Variants in GABRB3 observed in about 807,000 individuals in gnomAD.
GABRB3 encodes gamma-aminobutyric acid receptor subunit beta-3.
A neutral mutation model predicts 52.1 loss-of-function variants in GABRB3; 14 were observed. The observed-to-expected ratio is 0.27, with a 90% confidence interval of 0.18 to 0.42. The LOEUF (loss-of-function observed/expected upper bound fraction) is 0.42, where lower values mean the gene tolerates loss of function less well. Among genes scored for constraint, GABRB3 ranks in the 10% least tolerant of loss-of-function variants. The probability of loss-of-function intolerance (pLI) is 1.00; values close to 1 mark genes in which losing one functional copy is unlikely to be tolerated. For synonymous variants in GABRB3, 260 were observed against 232.3 expected (o/e 1.12, Z -1.08); for missense variants, 307 against 609.1 (o/e 0.50, Z 5.22).
chr15:26,700,365 T>C (rs1335501093), intron 3 of GABRB3, among the ~76,000 whole-genome samples: 1 of 152,122 alleles, frequency 6.6e-6, no homozygotes, highest in Non-Finnish European at 1.5e-5. Context: ...CCCACAAACA[T>C]GATTTCAAGG....
At chr15:26,633,659 G>A (rs370415407) in intron 3 of GABRB3, among the ~76,000 whole-genome samples, 2 of 152,264 alleles carry the variant, frequency 1.3e-5, no homozygotes, top group African/African-American at 2.4e-5. Context: ...AGCAATATCC[G>A]CAGTTCCCAG....
At chr15:26,715,771 T>C (rs1292156967) in intron 3 of GABRB3, among the ~76,000 whole-genome samples, 1 of 152,326 alleles carries the variant, frequency 6.6e-6, no homozygotes, top group Middle Eastern at 3.4e-3. Context: ...GAATCATCTG[T>C]TGTCTTGTGT....
At chr15:26,628,916 T>C in intron 3 of GABRB3, 1 of 1,467,364 alleles carries the variant, frequency 6.8e-7, no homozygotes. Flanking sequence ...TGTGGGGGAG[T>C]CAGGTGCAAG....
At chr15:26,745,102 T>C (rs1309042407) in intron 3 of GABRB3, among the ~76,000 whole-genome samples, 2 of 151,930 alleles carry the variant, frequency 1.3e-5, no homozygotes, top group Non-Finnish European at 1.5e-5. Context: ...ACGCTTCATG[T>C]AAACAACCAG....
At chr15:26,578,421 G>GT (rs1441601349) in intron 6 of GABRB3, among the ~76,000 whole-genome samples, 1 of 152,200 alleles carries the variant, frequency 6.6e-6, no homozygotes, top group Admixed American at 6.5e-5. Flanking sequence ...TCTGTGAATA[G>GT]TTTAAGTGTT....
At chr15:26,725,087 G>T (rs1390920823) in intron 3 of GABRB3, among the ~76,000 whole-genome samples, 2 of 152,122 alleles carry the variant, frequency 1.3e-5, no homozygotes, top group South Asian at 2.1e-4. Flanking sequence ...ATTAACTGCT[G>T]TCCCCCCATC....
chr15:26,682,283 C>T (rs547808677), intron 3 of GABRB3, among the ~76,000 whole-genome samples: 14 of 152,268 alleles, frequency 9.2e-5, no homozygotes, highest in East Asian at 7.7e-4. Context: ...CAATACCTTC[C>T]TCCCTCTCCC....
intron 3 of GABRB3, among the ~76,000 whole-genome samples, chr15:26,731,429 C>A (rs1248881657): frequency 4.6e-5 from 7 of 152,206 alleles, no homozygotes; most frequent in Admixed American, 4.6e-4. Flanking sequence ...TTTGCCAGCT[C>A]CATGGACCTC....
chr15:26,589,726 G>A (rs1373020738), intron 4 of GABRB3, among the ~76,000 whole-genome samples: 1 of 152,120 alleles, frequency 6.6e-6, no homozygotes, highest in Non-Finnish European at 1.5e-5. Flanking sequence ...GAGCCCACAA[G>A]AGCAGGACTT....
At position 26,681,494 on chromosome 15, in the gene GABRB3, C is replaced by T. The variant is rs1029406726; in HGVS notation, c.241-59960G>A. ...AAAGTCAGAGCACCCAGGAAAAGTCCCTTTGTCCCTCCTCCAACGGGCTAT... is the reference window on the plus strand; with the variant it reads ...AAAGTCAGAGCACCCAGGAAAAGTCTCTTTGTCCCTCCTCCAACGGGCTAT... On this transcript the variant is annotated intron_variant, in intron 3 of 8. Transcript: ENST00000311550. 2.6e-5 allele frequency among the ~76,000 whole-genome samples: 4 copies of T among 152,100 alleles called. No individual in the cohort carries two copies. The South Asian group carries it at 6.2e-4, about 24-fold the overall frequency.
Position 26,617,788 on chromosome 15 carries a change from C to T in GABRB3, c.461+3526G>A, listed in dbSNP as rs576354260. 2.6e-3 allele frequency among the ~76,000 whole-genome samples: 395 copies of T among 151,488 alleles called. 2 individuals carry two copies. The highest frequency in any genetic ancestry group is 4.5e-3 in the Non-Finnish European group (306 of 67,846). ...ACCCCACTGTCTCAGCCCAAAATCTCCTTAAGCTGATAAGCAACTTCAGCA... is the reference window on the plus strand; with the variant it reads ...ACCCCACTGTCTCAGCCCAAAATCTTCTTAAGCTGATAAGCAACTTCAGCA... On this transcript the variant is annotated intron_variant, in intron 4 of 8. Coordinates refer to ENST00000311550, the MANE Select transcript of GABRB3 (RefSeq NM_000814.6).
intron 3 of GABRB3, among the ~76,000 whole-genome samples, chr15:26,761,867 C>T (rs1019816998): frequency 1.3e-5 from 2 of 152,188 alleles, no homozygotes; most frequent in African/African-American, 4.8e-5. Flanking sequence ...CAGGGTTTCT[C>T]TCTGTCGCCC....
At chr15:26,571,594 C>T (rs781165766) in intron 6 of GABRB3, among the ~76,000 whole-genome samples, 1 of 152,288 alleles carries the variant, frequency 6.6e-6, no homozygotes, top group African/African-American at 2.4e-5. Flanking sequence ...GTAGAAACCA[C>T]TATTGACTGC....
chr15:26,683,837 A>G (rs911973322), intron 3 of GABRB3, among the ~76,000 whole-genome samples: 6 of 152,180 alleles, frequency 3.9e-5, no homozygotes, highest in Non-Finnish European at 8.8e-5. Flanking sequence ...AAAGAATGGC[A>G]TGAAGAATGT....
At chr15:26,630,997 C>T (rs527776042) in intron 3 of GABRB3, among the ~76,000 whole-genome samples, 3 of 152,332 alleles carry the variant, frequency 2.0e-5, no homozygotes, top group South Asian at 4.1e-4. Flanking sequence ...TAAGAAGCCA[C>T]GGTTCCTGGT....
chr15:26,696,367 T>C (rs1888739497), intron 3 of GABRB3, among the ~76,000 whole-genome samples: 1 of 150,770 alleles, frequency 6.6e-6, no homozygotes, highest in Non-Finnish European at 1.5e-5. Flanking sequence ...CTACTGCTAT[T>C]ACTATTATAA....
At position 26,772,260 on chromosome 15, in the gene GABRB3, G is replaced by C; in HGVS notation, c.240+142C>G. The C allele has an allele frequency of 4.4e-6, 3 of 680,322 alleles. No homozygotes were observed. The South Asian group carries it at 6.1e-5, about 14-fold the overall frequency. The allele number at this position is 680,322 out of a possible 1,614,324, so 42.1% of individuals were successfully genotyped here. A position where few individuals can be genotyped will look rare whatever the true frequency, so the allele number is the denominator to read the frequency against. Reference sequence around the variant, plus strand: ...AGGGAGCCGGGCAAGCGAGGGGCCGGCGCCTGGGAGCGCGGCTCCCTCTGC... The same window carrying C: ...AGGGAGCCGGGCAAGCGAGGGGCCGCCGCCTGGGAGCGCGGCTCCCTCTGC... On this transcript the variant is annotated intron_variant, in intron 3 of 8. Coordinates refer to ENST00000311550, the MANE Select transcript of GABRB3 (RefSeq NM_000814.6).
intron 6 of GABRB3, among the ~76,000 whole-genome samples, chr15:26,579,110 G>A (rs1030277500): frequency 2.6e-5 from 4 of 152,158 alleles, no homozygotes; most frequent in Admixed American, 6.5e-5. Flanking sequence ...AGGAGGGAAC[G>A]TTGCTGGTGA....
chr15:26,625,362 A>G, intron 3 of GABRB3: 1 of 508,624 alleles, frequency 2.0e-6, no homozygotes, highest in Non-Finnish European at 2.5e-6. Flanking sequence ...CTGCTATAGA[A>G]AGAAGCTTTG....
Sources: allele counts gnomAD v4.1 joint callset (sites outside exome capture counted in the v4.1 genomes callset), GRCh38; gene constraint gnomAD v4.1.1; transcripts MANE v1.5; gene names NCBI Gene and HGNC (gene_info 2026-07-23, HGNC 2026-07-21).